SOX5: variants seen among roughly 807,000 people sequenced by gnomAD.
SOX5 encodes SRY-box transcription factor 5.
A neutral mutation model predicts 92.0 loss-of-function variants in SOX5; 9 were observed. The observed-to-expected ratio is 0.10, with a 90% CI of 0.06 to 0.17. SOX5 has a LOEUF of 0.17. SOX5 is among the 10% of genes least tolerant of loss of function. The pLI is 1.00. For synonymous variants in SOX5, 344 were observed against 336.3 expected, an observed-to-expected ratio of 1.02 and a Z score of -0.25; for missense variants, 642 against 944.5, an observed-to-expected ratio of 0.68 and a Z score of 4.20.
chr12:24,028,848 T>C (rs890451776), intron 4 of SOX5, among the ~76,000 whole-genome samples: 8 of 151,986 alleles, frequency 5.3e-5, no homozygotes, highest in Non-Finnish European at 8.8e-5. Flanking sequence ...AAACATCTAT[T>C]TAATATTATT....
intron 11 of SOX5, among the ~76,000 whole-genome samples, chr12:23,559,524 C>T (rs17381870): frequency 0.07 from 10,630 of 152,182 alleles, 527 homozygotes; most frequent in South Asian, 0.11. Context: ...AAATGTGTTT[C>T]GGTAAAAATG....
intron 1 of SOX5, among the ~76,000 whole-genome samples, chr12:24,377,882 C>A (rs1957446544): frequency 6.6e-6 from 1 of 152,186 alleles, no homozygotes; most frequent in Non-Finnish European, 1.5e-5. Context: ...AGCAATAGAA[C>A]ATTTGGAAAA....
At chr12:24,399,823 A>G (rs1961077989) in intron 1 of SOX5, among the ~76,000 whole-genome samples, 1 of 152,244 alleles carries the variant, frequency 6.6e-6, no homozygotes, top group Non-Finnish European at 1.5e-5. Context: ...TTGTAATCTA[A>G]TAACATATTA....
intron 10 of SOX5, among the ~76,000 whole-genome samples, chr12:23,567,197 A>T (rs181266807): frequency 4.1e-4 from 63 of 152,330 alleles, no homozygotes; most frequent in African/African-American, 1.4e-3. Context: ...AAAGAGACAT[A>T]TAATGGTTAT....
intron 1 of SOX5, among the ~76,000 whole-genome samples, chr12:24,468,478 T>A (rs1167859386): frequency 6.6e-6 from 1 of 152,166 alleles, no homozygotes; most frequent in Non-Finnish European, 1.5e-5. Context: ...CTACTGGGAT[T>A]CATTGATTTC....
At chr12:23,694,436 T>G (rs371906838) in intron 6 of SOX5, among the ~76,000 whole-genome samples, 1 of 152,182 alleles carries the variant, frequency 6.6e-6, no homozygotes, top group Non-Finnish European at 1.5e-5. Flanking sequence ...TTCTCATCTG[T>G]GTCTCTCTGC....
rs577840299 is a variant in SOX5, at chr12:24,093,301, C to T, written c.-2+120042G>A. ...CTTTGGGAGGCCGAGGCGGGCAGAT[C>T]ACGAGGTCCGGAGATCGAGACCATC... is the stretch of plus-strand genomic sequence containing the variant. On this transcript the variant is annotated intron_variant, in intron 4 of 4. Transcript: ENST00000446891. Among the ~76,000 whole-genome samples the T allele has an allele frequency of 4.6e-3, 706 of 152,118 alleles. 1 individual carries two copies. The highest frequency in any genetic ancestry group is 5.4e-3 in the Non-Finnish European group (367 of 67,996).
intron 3 of SOX5, among the ~76,000 whole-genome samples, chr12:23,762,001 G>A (rs947139800): frequency 2.0e-5 from 3 of 152,030 alleles, no homozygotes; most frequent in Non-Finnish European, 4.4e-5. Flanking sequence ...TTATTTTTGA[G>A]GGGAAGATTG....
chr12:24,231,785 T>C (rs1281182193), intron 3 of SOX5, among the ~76,000 whole-genome samples: 1 of 152,202 alleles, frequency 6.6e-6, no homozygotes, highest in Non-Finnish European at 1.5e-5. Context: ...TGTACTCTAC[T>C]TGGTCTAAGT....
Position 23,939,718 on chromosome 12 carries a change from C to A in SOX5, c.38+9846G>T, listed in dbSNP as rs192890484. On this transcript the variant is annotated intron_variant, in intron 1 of 14. Transcript: ENST00000451604. ...GCATGCGACCTGCCAAATATATTAACAATATATGAAGCTTGTTCTCTCGAT... is the reference window on the plus strand; with the variant it reads ...GCATGCGACCTGCCAAATATATTAAAAATATATGAAGCTTGTTCTCTCGAT... Among the ~76,000 whole-genome samples the A allele has an allele frequency of 3.3e-3, 504 of 150,782 alleles. 2 individuals are homozygous for A. Among genetic ancestry groups the A allele is most frequent in the Non-Finnish European group, 5.0e-3 (333 of 67,098 alleles).
rs575930065 is a variant in SOX5 at position 24,555,775 on chromosome 12, G to T, written c.-251+6554C>A. 2.2e-3 allele frequency among the ~76,000 whole-genome samples: 337 copies of T among 152,298 alleles called. 1 individual carries two copies. Among genetic ancestry groups the T allele is most frequent in the Non-Finnish European group, 4.0e-3 (270 of 68,020 alleles). ...TGTGTGTGACAGAGAGACAGAAAAAGACAGAGTCCAAAGCAAGTGTCCAAA... is the reference window on the plus strand; with the variant it reads ...TGTGTGTGACAGAGAGACAGAAAAATACAGAGTCCAAAGCAAGTGTCCAAA... On this transcript the variant is annotated intron_variant, in intron 1 of 4. Transcript: ENST00000446891.
chr12:23,718,388 CCA>C (rs1436368645), intron 6 of SOX5, among the ~76,000 whole-genome samples: 1 of 152,098 alleles, frequency 6.6e-6, no homozygotes, highest in African/African-American at 2.4e-5. Context: ...AAGATAAGGA[CCA>C]CACTTCCTAT....
At chr12:23,784,788 A>ATGGC (rs2095349219) in intron 3 of SOX5, among the ~76,000 whole-genome samples, 2 of 152,304 alleles carry the variant, frequency 1.3e-5, no homozygotes, top group Non-Finnish European at 2.9e-5. Context: ...TCAGAAAAAA[A>ATGGC]ATCATTGGCC....
intron 4 of SOX5, among the ~76,000 whole-genome samples, chr12:23,981,807 C>G (rs998868443): frequency 6.6e-6 from 1 of 152,000 alleles, no homozygotes; most frequent in African/African-American, 2.4e-5. Context: ...TTCTCAATAT[C>G]CAAGTTATTC....
intron 9 of SOX5, among the ~76,000 whole-genome samples, chr12:23,582,610 T>A (rs1950202459): frequency 6.6e-6 from 1 of 152,132 alleles, no homozygotes; most frequent in South Asian, 2.1e-4. Flanking sequence ...GCCTTGTTAA[T>A]CAGGCAGAAA....
At chr12:23,831,008 A>C (rs2135591247) in intron 3 of SOX5, among the ~76,000 whole-genome samples, 1 of 152,266 alleles carries the variant, frequency 6.6e-6, no homozygotes, top group South Asian at 2.1e-4. Flanking sequence ...GTAATTCTGT[A>C]GCACAGCACA....
At chr12:23,537,157 G>T (rs909980438) in intron 13 of SOX5, among the ~76,000 whole-genome samples, 2 of 151,656 alleles carry the variant, frequency 1.3e-5, no homozygotes, top group Non-Finnish European at 2.9e-5. Context: ...TTACAGGAAT[G>T]GTAGTAATTA....
At chr12:24,446,266 TGACAGGGAGA>T (rs1311389484) in intron 1 of SOX5, among the ~76,000 whole-genome samples, 1 of 146,156 alleles carries the variant, frequency 6.8e-6, no homozygotes, top group Non-Finnish European at 1.5e-5. Flanking sequence ...CATGGTAATA[TGACAGGGAGA>T]GACTGAGACT....
chr12:24,362,206 T>C (rs1029589181), intron 2 of SOX5, among the ~76,000 whole-genome samples: 2 of 152,096 alleles, frequency 1.3e-5, no homozygotes, highest in African/African-American at 4.8e-5. Flanking sequence ...AGCTCCAGAG[T>C]ATGACAATTA....
Sources: gnomAD v4.1 joint callset for allele counts (sites outside exome capture counted in the v4.1 genomes callset) on GRCh38, gnomAD v4.1.1 for gene constraint, MANE v1.5 for transcripts, NCBI Gene and HGNC (gene_info 2026-07-23, HGNC 2026-07-21) for gene names.